Variants in SHISA9 observed in about 807,000 individuals in gnomAD.
The protein encoded by SHISA9 is protein shisa-9.
Under a neutral mutation model 38.0 loss-of-function variants are expected in SHISA9, and 13 were observed. The ratio of observed to expected loss-of-function variants is 0.34; its 90% CI spans 0.22 to 0.54. The LOEUF (loss-of-function observed/expected upper bound fraction) is 0.54, where lower values mean the gene tolerates loss of function less well. Among genes scored for constraint, SHISA9 ranks in the 20% least tolerant of loss-of-function variants. The pLI is 0.91. For missense variants in SHISA9, 538 were observed against 575.8 expected, an observed-to-expected ratio of 0.93 and a Z score of 0.67; for synonymous variants, 275 against 242.0, an observed-to-expected ratio of 1.14 and a Z score of -1.27.
At chr16:12,981,846 G>C (rs1489721562) in intron 2 of SHISA9, among the ~76,000 whole-genome samples, 2 of 152,054 alleles carry the variant, frequency 1.3e-5, no homozygotes, top group Non-Finnish European at 2.9e-5. Context: ...ATGCACAAAG[G>C]GAAAAGACTG....
At chr16:13,006,720 G>T (rs2072602314) in intron 2 of SHISA9, among the ~76,000 whole-genome samples, 1 of 152,316 alleles carries the variant, frequency 6.6e-6, no homozygotes, top group South Asian at 2.1e-4. Context: ...ATTCACAGCT[G>T]ATTAGGGGGA....
At chr16:13,296,430 GA>G in the SHISA9 span, among the ~76,000 whole-genome samples, 1,172 of 151,314 alleles carry the variant, frequency 7.7e-3, 11 homozygotes, top group African/African-American at 0.024. Flanking sequence ...ACGCAGGGGG[GA>G]AAAAAACAGA....
intron 2 of SHISA9, among the ~76,000 whole-genome samples, chr16:13,194,649 C>G (rs1484921557): frequency 1.3e-5 from 2 of 152,176 alleles, no homozygotes; most frequent in Admixed American, 1.3e-4. Flanking sequence ...TGTAATAAAT[C>G]TCAATTCCTC....
intron 2 of SHISA9, among the ~76,000 whole-genome samples, chr16:13,131,495 G>A (rs992844859): frequency 1.3e-5 from 2 of 152,104 alleles, no homozygotes; most frequent in African/African-American, 2.4e-5. Context: ...AGAGCATCAG[G>A]AAGAATAGCT....
the SHISA9 span, among the ~76,000 whole-genome samples, chr16:13,562,228 A>T: frequency 6.6e-6 from 1 of 152,370 alleles, no homozygotes; most frequent in African/African-American, 2.4e-5. Flanking sequence ...ATTATGAATC[A>T]GAGAAATTGG....
chr16:13,085,486 T>C (rs754407965), intron 2 of SHISA9, among the ~76,000 whole-genome samples: 4 of 152,220 alleles, frequency 2.6e-5, no homozygotes, highest in Non-Finnish European at 5.9e-5. Context: ...CTGACATTCC[T>C]AAAATAAGGC....
intron 2 of SHISA9, among the ~76,000 whole-genome samples, chr16:13,040,756 C>T (rs1423417833): frequency 1.3e-5 from 2 of 152,184 alleles, no homozygotes; most frequent in Non-Finnish European, 2.9e-5. Flanking sequence ...TTCTTCCTAT[C>T]CTGCTAAGGT....
At chr16:13,015,895 TTTCTTTCTTTC>T (rs1374618725) in intron 2 of SHISA9, among the ~76,000 whole-genome samples, 1 of 119,220 alleles carries the variant, frequency 8.4e-6, no homozygotes, top group African/African-American at 3.4e-5. Context: ...TCTTTCTTTC[TTTCTTTCTTTC>T]TTTTCTTTCT....
At chr16:13,160,804 C>G (rs923566501) in intron 2 of SHISA9, among the ~76,000 whole-genome samples, 10 of 152,198 alleles carry the variant, frequency 6.6e-5, no homozygotes, top group Non-Finnish European at 1.5e-4. Context: ...AACATGCCCA[C>G]AGGAGAGAAG....
At chr16:13,551,361 C>CAT in the SHISA9 span, among the ~76,000 whole-genome samples, 1 of 152,184 alleles carries the variant, frequency 6.6e-6, no homozygotes, top group African/African-American at 2.4e-5. Flanking sequence ...CCTATAAGCA[C>CAT]ATATGTGGGT....
chr16:13,126,588 A>G (rs544411730), intron 2 of SHISA9, among the ~76,000 whole-genome samples: 7 of 140,346 alleles, frequency 5.0e-5, no homozygotes, highest in African/African-American at 1.9e-4. Flanking sequence ...GGAAAGAGAG[A>G]GAGAAAGAGA....
the SHISA9 span, among the ~76,000 whole-genome samples, chr16:13,363,916 ATT>A: frequency 0.023 from 3,486 of 152,306 alleles, 56 homozygotes; most frequent in Non-Finnish European, 0.037. Flanking sequence ...ATAAATGCAC[ATT>A]GTCAGGCCCT....
chr16:13,415,357 T>C, the SHISA9 span, among the ~76,000 whole-genome samples: 1 of 152,322 alleles, frequency 6.6e-6, no homozygotes, highest in East Asian at 1.9e-4. Flanking sequence ...TACCACATGT[T>C]CTCACTTTTA....
At chr16:13,499,273 A>G in the SHISA9 span, among the ~76,000 whole-genome samples, 150 of 152,304 alleles carry the variant, frequency 9.8e-4, 1 homozygote, top group Middle Eastern at 3.4e-3. Flanking sequence ...ATCACCACCC[A>G]CCAAAAATAG....
At chr16:13,052,642 A>G (rs779222497) in intron 2 of SHISA9, among the ~76,000 whole-genome samples, 2 of 152,226 alleles carry the variant, frequency 1.3e-5, no homozygotes, top group South Asian at 2.1e-4. Flanking sequence ...CAAGAAATCC[A>G]TATGGCTCCA....
At chr16:13,423,147 C>A in the SHISA9 span, among the ~76,000 whole-genome samples, 3 of 152,300 alleles carry the variant, frequency 2.0e-5, no homozygotes, top group East Asian at 3.9e-4. Flanking sequence ...TTGATCTGGG[C>A]ATCTTCTCTG....
chr16:13,247,441 A>C, the SHISA9 span, among the ~76,000 whole-genome samples: 1 of 152,222 alleles, frequency 6.6e-6, no homozygotes, highest in Non-Finnish European at 1.5e-5. Context: ...CTGAGAGGTT[A>C]AATGTCTTAC....
the SHISA9 span, among the ~76,000 whole-genome samples, chr16:13,270,190 G>A: frequency 6.6e-6 from 1 of 152,156 alleles, no homozygotes; most frequent in East Asian, 1.9e-4. Context: ...CATTTCCCCT[G>A]ATGGTGAGGG....
At chr16:13,262,664 G>GGAAGGAAGGAAA in the SHISA9 span, among the ~76,000 whole-genome samples, 3 of 114,038 alleles carry the variant, frequency 2.6e-5, no homozygotes, top group African/African-American at 1.0e-4. Flanking sequence ...AAGGAAGGAA[G>GGAAGGAAGGAAA]GAAGGAAGGG....
Sources: allele counts gnomAD v4.1 joint callset (sites outside exome capture counted in the v4.1 genomes callset), GRCh38; gene constraint gnomAD v4.1.1; transcripts MANE v1.5; gene names NCBI Gene and HGNC (gene_info 2026-07-23, HGNC 2026-07-21).